ZNF700: variants seen among roughly 807,000 people sequenced by gnomAD.
The protein encoded by ZNF700 is zinc finger protein 700.
A neutral mutation model predicts 65.3 loss-of-function variants in ZNF700; 38 were observed. The ratio of observed to expected loss-of-function variants is 0.58; its 90% CI spans 0.45 to 0.76. The LOEUF (loss-of-function observed/expected upper bound fraction) is 0.76. ZNF700 is among the 30% of genes least tolerant of loss of function. The pLI is 0.00. For missense variants in ZNF700, 857 were observed against 888.4 expected, an observed-to-expected ratio of 0.96 and a Z score of 0.45; for synonymous variants, 285 against 290.4, an observed-to-expected ratio of 0.98 and a Z score of 0.19.
intron 1 of ZNF700, among the ~76,000 whole-genome samples, chr19:11,927,046 AAG>A (rs1238887630): frequency 1.3e-5 from 2 of 152,260 alleles, no homozygotes; most frequent in East Asian, 1.9e-4. Context: ...GTGCAGTGAG[AAG>A]AGAGTTTATT....
chr19:11,931,915 A>G (rs753541453), intron 1 of ZNF700, among the ~76,000 whole-genome samples: 3 of 147,986 alleles, frequency 2.0e-5, no homozygotes, highest in Non-Finnish European at 4.4e-5. Context: ...CAGGAGTTCA[A>G]GATCACCCTG....
At chr19:11,941,496 A>T (rs1392907871) in intron 1 of ZNF700, among the ~76,000 whole-genome samples, 1 of 152,184 alleles carries the variant, frequency 6.6e-6, no homozygotes, top group African/African-American at 2.4e-5. Context: ...GTGGGCTGGC[A>T]CTACTGGGGG....
intron 1 of ZNF700, among the ~76,000 whole-genome samples, chr19:11,937,456 A>G (rs1456800163): frequency 6.8e-6 from 1 of 147,200 alleles, no homozygotes; most frequent in East Asian, 2.0e-4. Flanking sequence ...TTTTTAATAC[A>G]TGTCTTTATA....
Position 11,948,418 on chromosome 19 carries a change from G to A in ZNF700, c.394G>A (p.Ala132Thr). 1 of 1,614,156 alleles carries A rather than the reference G, an allele frequency of 6.2e-7. No individual in the cohort carries two copies. The highest frequency in any genetic ancestry group is 8.5e-7 in the Non-Finnish European group (1 of 1,180,018). ...EVKSCDSFVC[A>T]EVGIGNSSFN... is the part of the protein sequence containing the mutation. Reference sequence around the variant, plus strand: ...AAAATCATGTGACAGCTTTGTGTGTGCAGAAGTTGGCATAGGTAACTCATC... The same window carrying A: ...AAAATCATGTGACAGCTTTGTGTGTACAGAAGTTGGCATAGGTAACTCATC... Residue 132 changes from alanine to threonine, a missense_variant, in exon 4 of 4, where the codon GCA becomes ACA. By Grantham distance (58) the Ala-to-Thr change is moderately conservative. Coordinates refer to ENST00000254321, the MANE Select transcript of ZNF700 (RefSeq NM_144566.3).
At chr19:11,925,413 C>T (rs1251111909) in intron 1 of ZNF700, 140 bp downstream of exon 1, 10 of 1,371,780 alleles carry the variant, frequency 7.3e-6, no homozygotes, top group Non-Finnish European at 9.7e-6. Context: ...GTTCGGCCCT[C>T]GGTCCCCTTG....
chr19:11,948,924 C>T lies in ZNF700; in HGVS notation c.900C>T (p.His300=), dbSNP rs1973008948. 3 of 1,607,092 alleles carry T rather than the reference C, an allele frequency of 1.9e-6. No individual in the cohort carries two copies. The highest frequency in any genetic ancestry group is 1.7e-6 in the Non-Finnish European group (2 of 1,178,522). The change falls in exon 4 of 4, where the codon CAC becomes CAT. Residue 300 remains histidine, a synonymous_variant. Coordinates refer to ENST00000254321, the MANE Select transcript of ZNF700 (RefSeq NM_144566.3). ...CCTATCATAGACATGAAAGAAGTCA[C>T]ATGGGAGAGAAGCCTTATCAATGCA... is the stretch of plus-strand genomic sequence containing the variant. ...SSSYHRHERS[H]MGEKPYQCKE... is the part of the protein sequence containing the mutation.
At chr19:11,942,468 G>C (rs1972900386) in intron 1 of ZNF700, among the ~76,000 whole-genome samples, 2 of 152,102 alleles carry the variant, frequency 1.3e-5, no homozygotes, top group African/African-American at 4.8e-5. Flanking sequence ...TTTGTAGCAG[G>C]ACAAGCCGCA....
chr19:11,949,401 A>T lies in ZNF700; in HGVS notation c.1377A>T (p.Ser459=), dbSNP rs1335605386. ...KECGKAFRST[S]HLRVHGRTHT... ...GTGGGAAAGCCTTCAGATCTACCTC[A>T]CACCTTCGAGTGCATGGTAGGACTC... The change falls in exon 4 of 4, where the codon TCA becomes TCT. Residue 459 remains serine, a synonymous_variant. Transcript: ENST00000254321. The T allele has an allele frequency of 2.5e-6, 4 of 1,612,862 alleles. No individual in the cohort carries two copies. The highest frequency in any genetic ancestry group is 3.4e-6 in the Non-Finnish European group (4 of 1,179,734).
chr19:11,925,728 G>A (rs1486665427), intron 1 of ZNF700, among the ~76,000 whole-genome samples: 1 of 152,282 alleles, frequency 6.6e-6, no homozygotes, highest in East Asian at 1.9e-4. Context: ...AGCGATTCAC[G>A]AATGAGAAAC....
chr19:11,933,977 C>T (rs1972752750), intron 1 of ZNF700, among the ~76,000 whole-genome samples: 1 of 147,928 alleles, frequency 6.8e-6, no homozygotes, highest in Non-Finnish European at 1.5e-5. Context: ...TGTCCGGCCA[C>T]TCATTTTCTT....
intron 1 of ZNF700, among the ~76,000 whole-genome samples, chr19:11,942,365 TTAA>T (rs1212244309): frequency 6.6e-6 from 1 of 152,020 alleles, no homozygotes; most frequent in Non-Finnish European, 1.5e-5. Flanking sequence ...TTTCTGCCTA[TTAA>T]TTCATAGGAC....
At position 11,949,092 on chromosome 19, in the gene ZNF700, C is replaced by G. The variant is rs771104786; in HGVS notation, c.1068C>G (p.Asn356Lys). 8 of 1,611,802 alleles carry G rather than the reference C, an allele frequency of 5.0e-6. No individual in the cohort carries two copies. The highest frequency in any genetic ancestry group is 6.8e-6 in the Non-Finnish European group (8 of 1,179,570). ...LISFQTHIRM[N>K]SGERPYKCKI... ...GTTTTCAAACACACATAAGAATGAA[C>G]TCTGGAGAAAGACCTTATAAATGTA... Residue 356 changes from asparagine to lysine, a missense_variant, in exon 4 of 4, where the codon AAC (asparagine) becomes AAG (lysine). Asn to Lys is a moderately conservative substitution (Grantham distance 94). Coordinates refer to ENST00000254321, the MANE Select transcript of ZNF700 (RefSeq NM_144566.3).
intron 1 of ZNF700, among the ~76,000 whole-genome samples, chr19:11,940,856 G>A (rs1443841509): frequency 2.0e-5 from 3 of 152,138 alleles, no homozygotes; most frequent in Admixed American, 2.0e-4. Flanking sequence ...TAGATACAGA[G>A]TGTTGACATA....
chr19:11,939,716 C>T (rs1288076540), intron 1 of ZNF700, among the ~76,000 whole-genome samples: 1 of 152,150 alleles, frequency 6.6e-6, no homozygotes, highest in Non-Finnish European at 1.5e-5. Flanking sequence ...CTGCCTTGGC[C>T]TCCTAAAGTA....
chr19:11,947,591 A>G lies in ZNF700; in HGVS notation c.251+17A>G, dbSNP rs376660878. ...AAGCTTCAGGTAATTTGCATTTCCAAGAGAAAGCAGTGTCTCTCTGCACAA... is the reference window on the plus strand; with the variant it reads ...AAGCTTCAGGTAATTTGCATTTCCAGGAGAAAGCAGTGTCTCTCTGCACAA... On this transcript the variant is annotated intron_variant, in intron 3 of 3. Coordinates refer to ENST00000254321, the MANE Select transcript of ZNF700 (RefSeq NM_144566.3). The G allele has an allele frequency of 2.0e-5, 32 of 1,610,070 alleles. No homozygotes were observed. Among genetic ancestry groups the G allele is most frequent in the Middle Eastern group, 1.7e-4 (1 of 6,054 alleles).
chr19:11,931,997 C>G (rs1432181689), intron 1 of ZNF700, among the ~76,000 whole-genome samples: 2 of 147,598 alleles, frequency 1.4e-5, no homozygotes, highest in Admixed American at 1.3e-4. Context: ...GGCCTGTAAT[C>G]TCAGCTACTC....
chr19:11,943,903 G>A (rs763950028), intron 1 of ZNF700, among the ~76,000 whole-genome samples: 3 of 152,134 alleles, frequency 2.0e-5, no homozygotes, highest in Non-Finnish European at 2.9e-5. Context: ...AGGGCTTGTC[G>A]TCTTTTTCAG....
chr19:11,935,899 G>T (rs1327038351), intron 1 of ZNF700, among the ~76,000 whole-genome samples: 2 of 152,126 alleles, frequency 1.3e-5, no homozygotes, highest in African/African-American at 4.8e-5. Flanking sequence ...GATGTTCCCT[G>T]CCCTGTGTCC....
intron 1 of ZNF700, among the ~76,000 whole-genome samples, chr19:11,931,566 T>A (rs1374536919): frequency 1.3e-5 from 2 of 148,368 alleles, no homozygotes; most frequent in African/African-American, 5.3e-5. Context: ...TTAGTCATTG[T>A]CTTCTATTTC....
Sources: allele counts gnomAD v4.1 joint callset (sites outside exome capture counted in the v4.1 genomes callset), GRCh38; gene constraint gnomAD v4.1.1; transcripts MANE v1.5; gene names NCBI Gene and HGNC (gene_info 2026-07-23, HGNC 2026-07-21).